CFAP263: variants seen among roughly 807,000 people sequenced by gnomAD.
CFAP263 encodes cilia and flagella associated protein 263.
the CFAP263 span, chr16:58,279,681 T>TC: frequency 6.3e-7 from 1 of 1,578,708 alleles, no homozygotes; most frequent in Non-Finnish European, 8.5e-7. Flanking sequence ...TTTCTTTTTT[T>TC]TTTTTGCAGA....
At chr16:58,280,346 A>G in the CFAP263 span, 5 of 1,614,180 alleles carry the variant, frequency 3.1e-6, no homozygotes, top group Non-Finnish European at 4.2e-6. Flanking sequence ...TAATAGTCAT[A>G]GTATAAGGGT....
chr16:58,252,355 T>A, the CFAP263 span, among the ~76,000 whole-genome samples: 7 of 151,012 alleles, frequency 4.6e-5, no homozygotes, highest in Non-Finnish European at 8.8e-5. Flanking sequence ...ACAAATAAAA[T>A]ATATATATGT....
the CFAP263 span, among the ~76,000 whole-genome samples, chr16:58,262,081 T>A: frequency 6.6e-6 from 1 of 152,082 alleles, no homozygotes; most frequent in Admixed American, 6.6e-5. Context: ...CTGTGTGCCC[T>A]CTGCCCCCAC....
At chr16:58,252,629 G>A in the CFAP263 span, 2 of 1,015,824 alleles carry the variant, frequency 2.0e-6, no homozygotes, top group African/African-American at 1.6e-5. Flanking sequence ...AGGCACCAAG[G>A]GGCTAACGGG....
the CFAP263 span, among the ~76,000 whole-genome samples, chr16:58,269,374 A>G: frequency 8.4e-6 from 1 of 119,674 alleles, no homozygotes; most frequent in Non-Finnish European, 1.7e-5. Context: ...ACATTTATTT[A>G]TAAGAAGAAA....
chr16:58,277,820 T>A, the CFAP263 span, among the ~76,000 whole-genome samples: 2 of 152,186 alleles, frequency 1.3e-5, no homozygotes, highest in African/African-American at 2.4e-5. Context: ...AATAAGCCAG[T>A]CACAAAAGGA....
the CFAP263 span, chr16:58,278,756 T>C: frequency 1.1e-6 from 1 of 916,074 alleles, no homozygotes; most frequent in Non-Finnish European, 1.6e-6. Flanking sequence ...GGGAGAAACC[T>C]CAGCAGTTGC....
At chr16:58,270,547 C>G in the CFAP263 span, among the ~76,000 whole-genome samples, 1 of 150,762 alleles carries the variant, frequency 6.6e-6, no homozygotes, top group Non-Finnish European at 1.5e-5. Context: ...ATATTTTCTC[C>G]CATTCTGTGG....
chr16:58,261,349 G>A, the CFAP263 span, among the ~76,000 whole-genome samples: 2 of 152,212 alleles, frequency 1.3e-5, no homozygotes, highest in African/African-American at 4.8e-5. Flanking sequence ...CAGATCATCA[G>A]TTCCTGGTAC....
the CFAP263 span, among the ~76,000 whole-genome samples, chr16:58,257,421 A>G: frequency 6.6e-6 from 1 of 151,668 alleles, no homozygotes; most frequent in Non-Finnish European, 1.5e-5. Context: ...ATTTTATAAC[A>G]TCTTTTTTTT....
chr16:58,257,010 A>ATTTCTTTT, the CFAP263 span, among the ~76,000 whole-genome samples: 3 of 50,198 alleles, frequency 6.0e-5, no homozygotes, highest in African/African-American at 2.8e-4. Context: ...GCATATATGA[A>ATTTCTTTT]TTTCTTTTTT....
At chr16:58,264,114 A>C in the CFAP263 span, among the ~76,000 whole-genome samples, 1 of 152,218 alleles carries the variant, frequency 6.6e-6, no homozygotes. Context: ...TGTGTCATAA[A>C]CATCCAACAG....
chr16:58,269,562 A>G, the CFAP263 span, among the ~76,000 whole-genome samples: 1 of 152,176 alleles, frequency 6.6e-6, no homozygotes, highest in Admixed American at 6.5e-5. Flanking sequence ...TATTCTGGAC[A>G]TTTCATTTAA....
the CFAP263 span, chr16:58,280,851 T>A: frequency 8.2e-7 from 1 of 1,216,004 alleles, no homozygotes; most frequent in Admixed American, 2.6e-5. Flanking sequence ...CTAGAAATGT[T>A]TTACGCTGGT....
the CFAP263 span, chr16:58,250,180 G>C: frequency 1.1e-6 from 1 of 926,434 alleles, no homozygotes; most frequent in South Asian, 1.6e-5. Flanking sequence ...GGGCGGCCTC[G>C]GACTTGGGGA....
chr16:58,254,563 T>C, the CFAP263 span, among the ~76,000 whole-genome samples: 1 of 152,144 alleles, frequency 6.6e-6, no homozygotes. Context: ...TTTTAGAAGA[T>C]ATAACCATGA....
At chr16:58,269,697 A>G in the CFAP263 span, among the ~76,000 whole-genome samples, 8 of 152,196 alleles carry the variant, frequency 5.3e-5, no homozygotes, top group African/African-American at 1.9e-4. Context: ...CGTTGTGTAG[A>G]TAGACCACAT....
the CFAP263 span, among the ~76,000 whole-genome samples, chr16:58,258,697 T>A: frequency 6.6e-6 from 1 of 152,104 alleles, no homozygotes; most frequent in African/African-American, 2.4e-5. Flanking sequence ...TTAAAATGTA[T>A]GTTTATGGCT....
the CFAP263 span, among the ~76,000 whole-genome samples, chr16:58,276,125 T>G: frequency 6.6e-6 from 1 of 152,008 alleles, no homozygotes; most frequent in African/African-American, 2.4e-5. Flanking sequence ...TAATAACTAA[T>G]AGAAAAAATG....
Sources: allele counts gnomAD v4.1 joint callset (sites outside exome capture counted in the v4.1 genomes callset), GRCh38; gene constraint gnomAD v4.1.1; transcripts MANE v1.5; gene names NCBI Gene and HGNC (gene_info 2026-07-23, HGNC 2026-07-21).